Variants in RAD18 observed in about 807,000 individuals in gnomAD.
RAD18 encodes E3 ubiquitin-protein ligase RAD18.
RAD18 carries 47 observed loss-of-function variants against 60.4 expected under a neutral mutation model. That is an observed-to-expected ratio of 0.78 (90% CI 0.62 to 0.99). The LOEUF (loss-of-function observed/expected upper bound fraction) is 0.99, where lower values mean the gene tolerates loss of function less well. RAD18 is among the 50% of genes least tolerant of loss of function. The probability of loss-of-function intolerance (pLI) is 0.00; values close to 1 mark genes in which losing one functional copy is unlikely to be tolerated. For synonymous variants in RAD18, 225 were observed against 195.5 expected, an observed-to-expected ratio of 1.15 and a Z score of -1.26; for missense variants, 640 against 593.3, an observed-to-expected ratio of 1.08 and a Z score of -0.82.
At chr3:8,891,094 A>ATATATATATATC in intron 11 of RAD18, among the ~76,000 whole-genome samples, 1 of 132,264 alleles carries the variant, frequency 7.6e-6, no homozygotes, top group African/African-American at 2.6e-5. Flanking sequence ...ATATATATAT[A>ATATATATATATC]TATCTGTGTT....
At chr3:8,909,442 A>G (rs890785512) in intron 9 of RAD18, among the ~76,000 whole-genome samples, 2 of 152,112 alleles carry the variant, frequency 1.3e-5, no homozygotes, top group African/African-American at 4.8e-5. Context: ...AGTGATACAT[A>G]AGAAGTGTAC....
At chr3:8,962,452 T>C (rs879817127) in intron 1 of RAD18, among the ~76,000 whole-genome samples, 5 of 152,358 alleles carry the variant, frequency 3.3e-5, no homozygotes, top group Admixed American at 1.3e-4. Context: ...TTCTACTTAC[T>C]TTAGCCTTCA....
chr3:8,919,113 G>T (rs945773130), intron 7 of RAD18, among the ~76,000 whole-genome samples: 1 of 152,144 alleles, frequency 6.6e-6, no homozygotes, highest in African/African-American at 2.4e-5. Context: ...TGGAATATCA[G>T]GTATTCACAA....
At chr3:8,890,344 T>C in intron 12 of RAD18, 45 bp downstream of exon 12, 4 of 1,426,420 alleles carry the variant, frequency 2.8e-6, no homozygotes, top group Non-Finnish European at 3.9e-6. Flanking sequence ...AAGTATAATT[T>C]CTCAGGTCAA....
chr3:8,914,994 T>TA (rs200754319), intron 7 of RAD18, among the ~76,000 whole-genome samples: 5 of 137,246 alleles, frequency 3.6e-5, no homozygotes, highest in Admixed American at 7.1e-5. Flanking sequence ...AAAAAATTTT[T>TA]TAAAATTAGC....
At chr3:8,915,453 C>T (rs1399058275) in intron 7 of RAD18, among the ~76,000 whole-genome samples, 1 of 152,146 alleles carries the variant, frequency 6.6e-6, no homozygotes, top group African/African-American at 2.4e-5. Context: ...TGGTACCACC[C>T]TATCTCTGGG....
At chr3:8,907,587 G>A (rs755504370) in intron 9 of RAD18, among the ~76,000 whole-genome samples, 11 of 152,070 alleles carry the variant, frequency 7.2e-5, no homozygotes, top group South Asian at 2.1e-4. Context: ...CAACACAAGC[G>A]GCTGATGCAA....
chr3:8,922,494 GGCATAGCCAAACAAAA>G (rs1940341462), intron 7 of RAD18, among the ~76,000 whole-genome samples: 1 of 152,200 alleles, frequency 6.6e-6, no homozygotes, highest in African/African-American at 2.4e-5. Flanking sequence ...CTGGGGGCAG[GGCATAGCCAAACAAAA>G]GGCAGCAGAA....
At chr3:8,960,907 T>C (rs754351736) in intron 1 of RAD18, among the ~76,000 whole-genome samples, 1 of 152,228 alleles carries the variant, frequency 6.6e-6, no homozygotes, top group Non-Finnish European at 1.5e-5. Context: ...ATATTACATT[T>C]ACAATATGCC....
At chr3:8,944,126 C>T (rs980590015) in intron 4 of RAD18, among the ~76,000 whole-genome samples, 2 of 152,110 alleles carry the variant, frequency 1.3e-5, no homozygotes, top group African/African-American at 4.8e-5. Flanking sequence ...GACCTCGTTA[C>T]AAATCCTATA....
chr3:8,943,740 A>T (rs965310479), intron 4 of RAD18, among the ~76,000 whole-genome samples: 4 of 152,220 alleles, frequency 2.6e-5, no homozygotes, highest in African/African-American at 7.2e-5. Context: ...CCAAATGTTA[A>T]GAAATAAAGC....
At chr3:8,910,266 C>G (rs1222771555) in intron 9 of RAD18, among the ~76,000 whole-genome samples, 1 of 152,090 alleles carries the variant, frequency 6.6e-6, no homozygotes, top group Non-Finnish European at 1.5e-5. Context: ...TATATTAGTA[C>G]TAGGTAAATA....
In RAD18 at chr3:8,900,106, G is replaced by A. The variant is rs1939876468; in HGVS notation, c.1169-1059C>T. Among the ~76,000 whole-genome samples the A allele has an allele frequency of 2.0e-5, 3 of 152,286 alleles. No individual in the cohort carries two copies. The South Asian group carries it at 6.2e-4, about 32-fold the overall frequency. Reference sequence around the variant, plus strand: ...AATAGTTCTAAGTTTTTGTTACACTGAGAGAACAGCATACTTCACAAGAGT... The same window carrying A: ...AATAGTTCTAAGTTTTTGTTACACTAAGAGAACAGCATACTTCACAAGAGT... On this transcript the variant is annotated intron_variant, in intron 10 of 12. Transcript: ENST00000264926.
At chr3:8,884,584 T>C (rs951833843) in intron 12 of RAD18, among the ~76,000 whole-genome samples, 1 of 152,092 alleles carries the variant, frequency 6.6e-6, no homozygotes, top group African/African-American at 2.4e-5. Context: ...TCACTCTCTA[T>C]TCTCATACCT....
chr3:8,895,256 T>C (rs74544739), intron 11 of RAD18, among the ~76,000 whole-genome samples: 1 of 152,172 alleles, frequency 6.6e-6, no homozygotes, highest in East Asian at 1.9e-4. Flanking sequence ...AGAAAAAGAT[T>C]TTGTGGCAAC....
chr3:8,895,632 GCT>G (rs745485773), intron 11 of RAD18, among the ~76,000 whole-genome samples: 8 of 138,474 alleles, frequency 5.8e-5, no homozygotes, highest in Non-Finnish European at 1.2e-4. Context: ...AACAGTACTT[GCT>G]CTCTTTTTTT....
rs969451097 is a variant in RAD18 at position 8,948,530 on chromosome 3, A to G, written c.174T>C (p.Thr58=). Residue 58 remains threonine (T), a synonymous_variant, in exon 3 of 13, where the codon ACT becomes ACC. Transcript: ENST00000264926. ...TCACCACACAGCAAGTTGGACACTG[A>G]GTTTTATAGGACAGAAATTTTCTTA... The part of the protein sequence containing the change: ...LCIRKFLSYK[T]QCPTCCVTVT... 7 of 1,612,880 alleles carry G rather than the reference A, an allele frequency of 4.3e-6. No individual in the cohort carries two copies. Among genetic ancestry groups the G allele is most frequent in the Non-Finnish European group, 2.5e-6 (3 of 1,179,328 alleles).
At chr3:8,920,754 CTG>C (rs772505721) in intron 7 of RAD18, among the ~76,000 whole-genome samples, 7 of 152,240 alleles carry the variant, frequency 4.6e-5, no homozygotes, top group Admixed American at 3.3e-4. Flanking sequence ...ACAACAAAGA[CTG>C]TATTCTTTTA....
chr3:8,941,546 T>A lies in RAD18; in HGVS notation c.525A>T (p.Val175=). Residue 175 remains valine (V), a synonymous_variant, in exon 5 of 13, where the codon GTA becomes GTT. Transcript: ENST00000264926. ...PAAKTKETRS[V]EEIAPDPSEA... is the part of the protein sequence containing the mutation. ...CTGAGGGATCTGGAGCGATCTCTTC[T>A]ACAGAACGTGTCTCTTTGGTCTTTG... The A allele has an allele frequency of 6.2e-7, 1 of 1,614,132 alleles. No homozygotes were observed. The highest frequency in any genetic ancestry group is 8.5e-7 in the Non-Finnish European group (1 of 1,180,002).
Sources: gnomAD v4.1 joint callset for allele counts (sites outside exome capture counted in the v4.1 genomes callset) on GRCh38, gnomAD v4.1.1 for gene constraint, MANE v1.5 for transcripts, NCBI Gene and HGNC (gene_info 2026-07-23, HGNC 2026-07-21) for gene names.